The following HHIP variants were observed in gnomAD, a reference collection of about 807,000 sequenced individuals.
HHIP encodes hedgehog interacting protein.
A neutral mutation model predicts 74.0 loss-of-function variants in HHIP; 12 were observed. The ratio of observed to expected loss-of-function variants is 0.16; its 90% CI spans 0.10 to 0.26. The LOEUF is 0.26. HHIP is among the 10% of genes least tolerant of loss of function. HHIP has a pLI of 1.00. For synonymous variants in HHIP, 309 were observed against 311.6 expected (o/e 0.99, Z 0.09); for missense variants, 788 against 845.0 (o/e 0.93, Z 0.84).
intron 4 of HHIP, among the ~76,000 whole-genome samples, chr4:144,677,096 A>G (rs551666127): frequency 2.6e-4 from 40 of 152,284 alleles, no homozygotes; most frequent in Admixed American, 1.7e-3. Context: ...CAGCCTCCCA[A>G]TGACATGTTA....
At chr4:144,669,547 A>T (rs534487685) in intron 4 of HHIP, among the ~76,000 whole-genome samples, 1 of 152,346 alleles carries the variant, frequency 6.6e-6, no homozygotes, top group East Asian at 1.9e-4. Flanking sequence ...CAACTTACAG[A>T]AAATCTATTA....
Position 144,659,846 on chromosome 4 carries a change from T to C in HHIP, c.831+8T>C, listed in dbSNP as rs774854948. 1 of 1,599,758 alleles carries C rather than the reference T, an allele frequency of 6.3e-7. No individual in the cohort carries two copies. The highest frequency in any genetic ancestry group is 8.6e-7 in the Non-Finnish European group (1 of 1,168,734). On this transcript the variant is annotated splice_region_variant and intron_variant, in intron 4 of 12. Transcript: ENST00000296575. ...GTTCAAAGTGGAATAAAGGTTGGCT[T>C]TTTAAATTTTATTTATTTTTGTGCT...
chr4:144,737,604 T>C (rs1731154657), intron 12 of HHIP, among the ~76,000 whole-genome samples, 160 bp from the exon 13 acceptor site: 1 of 152,234 alleles, frequency 6.6e-6, no homozygotes, highest in Admixed American at 6.5e-5. Context: ...TAAAAGCCTG[T>C]TTCCTACTTG....
intron 1 of HHIP, 53 bp downstream of exon 1, chr4:144,647,007 G>T: frequency 6.7e-7 from 1 of 1,491,848 alleles, no homozygotes; most frequent in Non-Finnish European, 9.0e-7. Context: ...GCTGGGTGGG[G>T]TTCCCTGTGG....
At chr4:144,736,451 T>G (rs927333301) in intron 12 of HHIP, among the ~76,000 whole-genome samples, 16 of 152,132 alleles carry the variant, frequency 1.1e-4, no homozygotes, top group African/African-American at 3.6e-4. Flanking sequence ...CATCTTTTAG[T>G]AACAGAATAT....
chr4:144,735,750 T>C (rs567718552), intron 12 of HHIP, among the ~76,000 whole-genome samples: 206 of 152,334 alleles, frequency 1.4e-3, no homozygotes, highest in Non-Finnish European at 2.5e-3. Flanking sequence ...TGCTATCTTT[T>C]TGTTTGTCCT....
At chr4:144,696,054 GAAC>G (rs1729809487) in intron 4 of HHIP, among the ~76,000 whole-genome samples, 1 of 149,730 alleles carries the variant, frequency 6.7e-6, no homozygotes, top group South Asian at 2.1e-4. Context: ...TTATGTTATA[GAAC>G]AACTGAATGT....
rs531445875 is a variant in HHIP, at chr4:144,647,296, A to G, written c.279+342A>G. ...CGAATGGGGCATTGGCTGCGGTGAA[A>G]CTGTAAATTAAGGTGGCTGTGGTTT... On this transcript the variant is annotated intron_variant, in intron 1 of 12. Coordinates refer to ENST00000296575, the MANE Select transcript of HHIP (RefSeq NM_022475.3). The G allele has an allele frequency of 3.9e-5, 9 of 230,272 alleles. No homozygotes were observed. The South Asian group carries it at 1.5e-3, about 38-fold the overall frequency. 14.3% of individuals were successfully genotyped at this position (230,272 alleles called of 1,614,324 possible). A position where few individuals can be genotyped will look rare whatever the true frequency, so the allele number is the denominator to read the frequency against.
rs992651384 is a variant in HHIP, at chr4:144,734,677, T to C, written c.1761-64T>C. On this transcript the variant is annotated intron_variant, in intron 11 of 12. Transcript: ENST00000296575. ...CATGCTTTGTAAGCCACAGAATCAC[T>C]AGATTTCATTCCACTGTTGATTTTC... 5.2e-5 allele frequency: 68 copies of C among 1,309,926 alleles called. No homozygotes were observed. The African/African-American group carries it at 8.7e-4, about 17-fold the overall frequency. The allele number at this position is 1,309,926 out of a possible 1,614,324, so 81.1% of individuals were successfully genotyped here.
Position 144,741,459 on chromosome 4 carries a change from A to C in HHIP, c.*3502A>C, listed in dbSNP as rs1731260823. The C allele has an allele frequency of 6.8e-6, 1 of 146,678 alleles. No individual in the cohort carries two copies. The highest frequency in any genetic ancestry group is 1.5e-5 in the Non-Finnish European group (1 of 67,274). 9.1% of individuals were successfully genotyped at this position (146,678 alleles called of 1,614,324 possible). ...GAGCAGCACAATCTCAGCTCACTAC[A>C]ACCTCCGCCTCCCGGGTTCAAGCAA... On this transcript the variant is annotated 3_prime_UTR_variant, in exon 13 of 13. Transcript: ENST00000296575.
rs1371030546 is a variant in HHIP, at chr4:144,715,441, A to G, written c.1678+11A>G. 2.5e-6 allele frequency: 4 copies of G among 1,606,272 alleles called. No individual in the cohort carries two copies. Among genetic ancestry groups the G allele is most frequent in the East Asian group, 2.2e-5 (1 of 44,750 alleles). On this transcript the variant is annotated intron_variant, in intron 10 of 12. Transcript: ENST00000296575. ...GAGAAGATGAACTAGGTACTGTACAATCTAGTTCTGTTAAGTTTCATTCTC... is the reference window on the plus strand; with the variant it reads ...GAGAAGATGAACTAGGTACTGTACAGTCTAGTTCTGTTAAGTTTCATTCTC...
chr4:144,717,606 T>C (rs967091081), intron 10 of HHIP, among the ~76,000 whole-genome samples: 1 of 152,172 alleles, frequency 6.6e-6, no homozygotes, highest in Non-Finnish European at 1.5e-5. Context: ...CACATAGAAT[T>C]ATATGGAAGT....
intron 11 of HHIP, among the ~76,000 whole-genome samples, chr4:144,733,546 A>T (rs76130766): frequency 6.6e-6 from 1 of 152,132 alleles, no homozygotes; most frequent in African/African-American, 2.4e-5. Context: ...AATTGAGTCT[A>T]CAGGGCTTAA....
At chr4:144,678,747 T>C (rs1729245138) in intron 4 of HHIP, among the ~76,000 whole-genome samples, 1 of 152,242 alleles carries the variant, frequency 6.6e-6, no homozygotes, top group Non-Finnish European at 1.5e-5. Flanking sequence ...CTACGTAGTA[T>C]TCCATGGTGT....
chr4:144,675,222 C>A (rs1237499005), intron 4 of HHIP, among the ~76,000 whole-genome samples: 1 of 152,126 alleles, frequency 6.6e-6, no homozygotes, highest in African/African-American at 2.4e-5. Flanking sequence ...CACTGCAGAA[C>A]ATTTAATCTC....
At chr4:144,678,716 A>G (rs193178838) in intron 4 of HHIP, among the ~76,000 whole-genome samples, 2 of 152,332 alleles carry the variant, frequency 1.3e-5, no homozygotes, top group African/African-American at 4.8e-5. Context: ...TGCAAAGGAC[A>G]TGAAATCATC....
intron 11 of HHIP, among the ~76,000 whole-genome samples, chr4:144,733,471 G>A (rs1731016897): frequency 6.6e-6 from 1 of 152,076 alleles, no homozygotes; most frequent in South Asian, 2.1e-4. Flanking sequence ...CCTGAGATCA[G>A]GACCCAAATT....
intron 11 of HHIP, among the ~76,000 whole-genome samples, chr4:144,724,096 T>C (rs188696080): frequency 1.6e-4 from 25 of 152,316 alleles, no homozygotes; most frequent in Admixed American, 5.2e-4. Flanking sequence ...TTGAAACTTC[T>C]AATGAATGGA....
At chr4:144,717,998 T>C (rs1730510698) in intron 10 of HHIP, among the ~76,000 whole-genome samples, 1 of 152,196 alleles carries the variant, frequency 6.6e-6, no homozygotes, top group Non-Finnish European at 1.5e-5. Context: ...ACCTTCTCTG[T>C]GCAAAGCTCT....
Sources: allele counts gnomAD v4.1 joint callset (sites outside exome capture counted in the v4.1 genomes callset), GRCh38; gene constraint gnomAD v4.1.1; transcripts MANE v1.5; gene names NCBI Gene and HGNC (gene_info 2026-07-23, HGNC 2026-07-21).